The following SPIDR variants were observed in gnomAD, a reference collection of about 807,000 sequenced individuals.
SPIDR encodes DNA repair-scaffolding protein.
A neutral mutation model predicts 104.6 loss-of-function variants in SPIDR; 93 were observed. That is an observed-to-expected ratio of 0.89 (90% confidence interval 0.75 to 1.06). SPIDR has a LOEUF of 1.06. Among genes scored for constraint, SPIDR ranks in the 50% least tolerant of loss-of-function variants. The pLI, the probability that SPIDR is intolerant of heterozygous loss-of-function variation, is 0.00. For missense variants in SPIDR, 1,154 were observed against 1,111.2 expected, an observed-to-expected ratio of 1.04 and a Z score of -0.55; for synonymous variants, 431 against 416.9, an observed-to-expected ratio of 1.03 and a Z score of -0.41.
chr8:47,673,848 A>G lies in SPIDR; in HGVS notation c.1592A>G (p.His531Arg). The G allele has an allele frequency of 6.2e-7, 1 of 1,614,162 alleles. No individual in the cohort carries two copies. The highest frequency in any genetic ancestry group is 8.5e-7 in the Non-Finnish European group (1 of 1,180,038). ...GCCTGTGGAATGTTCGGTGAAGTGC[A>G]CTTGGAGTTCACCATGTCGAAGGCA... ...QDACGMFGEV[H>R]LEFTMSKARQ... Residue 531 changes from histidine to arginine, a missense_variant, in exon 11 of 20, where the codon CAC (histidine) becomes CGC (arginine). His to Arg is a conservative substitution (Grantham distance 29). Coordinates refer to ENST00000297423, the MANE Select transcript of SPIDR (RefSeq NM_001080394.4).
intron 6 of SPIDR, among the ~76,000 whole-genome samples, chr8:47,406,833 C>T (rs1554667640): frequency 2.0e-5 from 3 of 152,128 alleles, no homozygotes. Context: ...TTCTTAACCT[C>T]TCTCTAAATT....
intron 8 of SPIDR, among the ~76,000 whole-genome samples, chr8:47,487,282 A>C (rs1487218052): frequency 5.9e-5 from 9 of 152,256 alleles, no homozygotes; most frequent in African/African-American, 1.9e-4. Context: ...TGGTGAAGGG[A>C]TCAATTCAAC....
chr8:47,269,115 C>T (rs1238799250), intron 1 of SPIDR, among the ~76,000 whole-genome samples: 1 of 150,374 alleles, frequency 6.7e-6, no homozygotes, highest in Non-Finnish European at 1.5e-5. Context: ...TTCAGTGAGC[C>T]ATGATTGTGC....
intron 12 of SPIDR, 45 bp from the exon 13 acceptor site, chr8:47,701,676 C>T (rs375707084): frequency 6.3e-7 from 1 of 1,583,946 alleles, no homozygotes; most frequent in Admixed American, 1.8e-5. Flanking sequence ...CTTTTTGAGT[C>T]TTTTAACAAT....
chr8:47,555,032 T>C (rs911460372), intron 8 of SPIDR, among the ~76,000 whole-genome samples: 2 of 152,224 alleles, frequency 1.3e-5, no homozygotes, highest in South Asian at 4.1e-4. Context: ...AATCTTAGTC[T>C]TGATCTAACC....
intron 11 of SPIDR, among the ~76,000 whole-genome samples, chr8:47,687,052 C>A (rs1038333603): frequency 3.3e-5 from 5 of 151,796 alleles, no homozygotes; most frequent in Non-Finnish European, 7.4e-5. Flanking sequence ...AATATCATTA[C>A]TTTTAGTAGT....
intron 8 of SPIDR, among the ~76,000 whole-genome samples, chr8:47,462,571 A>G (rs1464070699): frequency 6.6e-6 from 1 of 152,224 alleles, no homozygotes; most frequent in Non-Finnish European, 1.5e-5. Context: ...ATGACATGAA[A>G]GCATTATGAA....
intron 5 of SPIDR, among the ~76,000 whole-genome samples, chr8:47,349,137 T>C (rs2052867512): frequency 6.6e-6 from 1 of 152,200 alleles, no homozygotes; most frequent in South Asian, 2.1e-4. Flanking sequence ...GGGGTTTTAG[T>C]GTGGATGTCC....
intron 10 of SPIDR, among the ~76,000 whole-genome samples, chr8:47,615,511 C>T (rs956179441): frequency 3.5e-5 from 5 of 144,682 alleles, no homozygotes; most frequent in African/African-American, 1.3e-4. Flanking sequence ...CTCACTCTGT[C>T]GCACAGGCTG....
Position 47,349,730 on chromosome 8 carries a change from T to A in SPIDR, c.526-46646T>A, listed in dbSNP as rs868928104. Among the ~76,000 whole-genome samples the A allele has an allele frequency of 2.6e-5, 4 of 152,348 alleles. No individual in the cohort carries two copies. In the South Asian group the frequency reaches 6.2e-4, roughly 24 times the overall value. On this transcript the variant is annotated intron_variant, in intron 5 of 19. Coordinates refer to ENST00000297423, the MANE Select transcript of SPIDR (RefSeq NM_001080394.4). ...ACCTCGCAGTTCTATCTCGGACTGC[T>A]GTGCTACCAGTGAGCAAGGGTCCGT...
At chr8:47,565,689 C>T (rs890607402) in intron 8 of SPIDR, among the ~76,000 whole-genome samples, 1 of 151,090 alleles carries the variant, frequency 6.6e-6, no homozygotes, top group Non-Finnish European at 1.5e-5. Flanking sequence ...TGCCATTTTA[C>T]ATTATGCTTT....
At chr8:47,571,538 C>G (rs2058524749) in intron 8 of SPIDR, among the ~76,000 whole-genome samples, 1 of 152,088 alleles carries the variant, frequency 6.6e-6, no homozygotes, top group African/African-American at 2.4e-5. Flanking sequence ...AATGAGGTAA[C>G]TTAAGGAAAG....
chr8:47,375,914 A>G (rs2058617712), intron 5 of SPIDR, among the ~76,000 whole-genome samples: 2 of 152,218 alleles, frequency 1.3e-5, no homozygotes, highest in Admixed American at 6.5e-5. Flanking sequence ...TCAAAGTTCT[A>G]CATTACCTGA....
chr8:47,584,436 G>T, intron 8 of SPIDR, among the ~76,000 whole-genome samples: 1 of 152,116 alleles, frequency 6.6e-6, no homozygotes, highest in Non-Finnish European at 1.5e-5. Context: ...GTTTTAAGAG[G>T]CTTACTGTAT....
At chr8:47,522,062 G>T (rs565052422) in intron 8 of SPIDR, among the ~76,000 whole-genome samples, 1 of 151,976 alleles carries the variant, frequency 6.6e-6, no homozygotes, top group South Asian at 2.1e-4. Context: ...TACTGGGAAG[G>T]CTGAGGCAGG....
At chr8:47,349,841 G>T (rs1393301857) in intron 5 of SPIDR, among the ~76,000 whole-genome samples, 1 of 152,218 alleles carries the variant, frequency 6.6e-6, no homozygotes, top group Non-Finnish European at 1.5e-5. Context: ...CAGTATTAGG[G>T]CGGGAGTGTC....
At chr8:47,659,581 C>G (rs1285362605) in intron 10 of SPIDR, 1 of 358,568 alleles carries the variant, frequency 2.8e-6, no homozygotes, top group Non-Finnish European at 3.9e-6. Context: ...CAGGCGGCTA[C>G]AGGAGTGGGC....
chr8:47,401,351 G>A (rs2061856316), intron 6 of SPIDR, among the ~76,000 whole-genome samples: 1 of 152,172 alleles, frequency 6.6e-6, no homozygotes. Flanking sequence ...ATGGAAAGGA[G>A]CAACTGGTAC....
chr8:47,386,898 GAGAGAGATATAGATATAGATATAGATAT>G (rs1563810803), intron 5 of SPIDR, among the ~76,000 whole-genome samples: 5 of 78,506 alleles, frequency 6.4e-5, no homozygotes, highest in African/African-American at 2.2e-4. Context: ...GAGAAAGAGA[GAGAGAGATATAGATATAGATATAGATAT>G]AGATATAGAT....
Sources: allele counts gnomAD v4.1 joint callset (sites outside exome capture counted in the v4.1 genomes callset), GRCh38; gene constraint gnomAD v4.1.1; transcripts MANE v1.5; gene names NCBI Gene and HGNC (gene_info 2026-07-23, HGNC 2026-07-21).